Variants in LRP6 observed in about 807,000 individuals in gnomAD.
LRP6 encodes the protein LDL receptor related protein 6.
A neutral mutation model predicts 184.1 loss-of-function variants in LRP6; 43 were observed. The ratio of observed to expected loss-of-function variants is 0.23; its 90% CI spans 0.18 to 0.30. The LOEUF is 0.30. Ranked by LOEUF, LRP6 falls within the 10% of genes least tolerant of loss-of-function variation. LRP6 has a pLI of 1.00. For synonymous variants in LRP6, 719 were observed against 684.9 expected (o/e 1.05, Z -0.78); for missense variants, 1,571 against 2,005.3 (o/e 0.78, Z 4.14).
chr12:12,141,862 A>C (rs1256313558), intron 15 of LRP6, among the ~76,000 whole-genome samples: 1 of 152,216 alleles, frequency 6.6e-6, no homozygotes, highest in Non-Finnish European at 1.5e-5. Context: ...TCTAGACTTA[A>C]AAAAATTATG....
intron 3 of LRP6, among the ~76,000 whole-genome samples, chr12:12,196,192 C>A (rs1863755317): frequency 6.7e-6 from 1 of 148,500 alleles, no homozygotes; most frequent in Non-Finnish European, 1.5e-5. Context: ...TGGTCCCATA[C>A]AAATTTTAGG....
rs750043263 is a variant in LRP6, at chr12:12,150,973, G to T, written c.2857C>A (p.Gln953Lys). ...AINRMVIDEQ[Q>K]SPDIILPIHS... ...ATGGGAAGGATGATGTCGGGGCTCTGTTGTTCATCAATCACCATGCGGTTG... is the reference window on the plus strand; with the variant it reads ...ATGGGAAGGATGATGTCGGGGCTCTTTTGTTCATCAATCACCATGCGGTTG... Residue 953 changes from glutamine (Q) to lysine (K), a missense_variant, in exon 13 of 23, where the codon CAG becomes AAG. This residue lies in a region of LRP6 where 763 missense variants were observed against 859.5 expected (regional missense o/e 0.89). Transcript: ENST00000261349. 4.3e-6 allele frequency: 7 copies of T among 1,614,168 alleles called. No individual in the cohort carries two copies. In the Admixed American group the frequency reaches 1.0e-4, roughly 23 times the overall value.
intron 2 of LRP6, among the ~76,000 whole-genome samples, chr12:12,222,510 T>G (rs1048126489): frequency 6.7e-6 from 1 of 148,852 alleles, no homozygotes; most frequent in Admixed American, 6.9e-5. Flanking sequence ...GAGGTTGCAG[T>G]GAGCCAAGAT....
chr12:12,233,476 A>AAATG (rs1036323613), intron 2 of LRP6, among the ~76,000 whole-genome samples: 1 of 152,174 alleles, frequency 6.6e-6, no homozygotes, highest in African/African-American at 2.4e-5. Flanking sequence ...TCAAAAAAAT[A>AAATG]AATGAATGAA....
chr12:12,189,780 C>T (rs1033594820), intron 3 of LRP6, among the ~76,000 whole-genome samples: 3 of 152,166 alleles, frequency 2.0e-5, no homozygotes, highest in Non-Finnish European at 2.9e-5. Flanking sequence ...GGATTACAGG[C>T]GTGAGCCACC....
Position 12,121,330 on chromosome 12 carries a change from T to C in LRP6, c.4638A>G (p.Arg1546=), listed in dbSNP as rs1239370720. 1 of 1,614,112 alleles carries C rather than the reference T, an allele frequency of 6.2e-7. No homozygotes were observed. Among genetic ancestry groups the C allele is most frequent in the South Asian group, 1.1e-5 (1 of 91,074 alleles). ...VCDSDYAPSR[R]MTSVATAKGY... is the part of the protein sequence containing the mutation. Reference sequence around the variant, plus strand: ...CCTTGGCTGTTGCCACTGAGGTCATTCTCCGACTAGGAGCATAGTCACTGT... The same window carrying C: ...CCTTGGCTGTTGCCACTGAGGTCATCCTCCGACTAGGAGCATAGTCACTGT... The change falls in exon 23 of 23, where the codon AGA becomes AGG. Residue 1546 remains arginine, a synonymous_variant. Transcript: ENST00000261349.
intron 15 of LRP6, among the ~76,000 whole-genome samples, chr12:12,145,624 C>CTTTTTTTTTTTTTTTTT (rs1157764946): frequency 2.5e-5 from 2 of 80,314 alleles, no homozygotes; most frequent in Non-Finnish European, 5.2e-5. Context: ...TTTTCTTTTT[C>CTTTTTTTTTTTTTTTTT]TTTTTTTTTT....
intron 12 of LRP6, 149 bp downstream of exon 12, chr12:12,158,680 A>C: frequency 1.3e-6 from 1 of 741,172 alleles, no homozygotes; most frequent in East Asian, 2.7e-5. Context: ...AATAAGTAAC[A>C]AACACTTGCA....
At chr12:12,212,746 G>T (rs1285200943) in intron 2 of LRP6, among the ~76,000 whole-genome samples, 1 of 152,094 alleles carries the variant, frequency 6.6e-6, no homozygotes, top group Non-Finnish European at 1.5e-5. Context: ...GTCTCATAGA[G>T]AGAATTTTAT....
At position 12,159,154 on chromosome 12, in the gene LRP6, C is replaced by T; in HGVS notation, c.2466G>A (p.Gly822=). The T allele has an allele frequency of 6.2e-7, 1 of 1,613,582 alleles. No homozygotes were observed. Among genetic ancestry groups the T allele is most frequent in the Non-Finnish European group, 8.5e-7 (1 of 1,179,718 alleles). Residue 822 remains glycine (G), a splice_region_variant and synonymous_variant, in exon 12 of 23, where the codon GGG becomes GGA. Transcript: ENST00000261349. ...CATCTGCTATAACTTCACGGTTGAGCCCTATTTTCAGAAAGGCAGTAGACA... is the reference window on the plus strand; with the variant it reads ...CATCTGCTATAACTTCACGGTTGAGTCCTATTTTCAGAAAGGCAGTAGACA... ...TNLIESSNML[G]LNREVIADDL... is the part of the protein sequence containing the mutation.
At chr12:12,204,557 CTT>C (rs962585939) in intron 2 of LRP6, among the ~76,000 whole-genome samples, 29 of 149,332 alleles carry the variant, frequency 1.9e-4, no homozygotes, top group Admixed American at 1.2e-3. Flanking sequence ...AGTTTGAAGA[CTT>C]TTCAAAATAA....
chr12:12,212,583 A>G (rs1864240725), intron 2 of LRP6, among the ~76,000 whole-genome samples: 1 of 152,142 alleles, frequency 6.6e-6, no homozygotes. Flanking sequence ...AGATTTCCAT[A>G]GCAAAACTTA....
At position 12,159,867 on chromosome 12, in the gene LRP6, C is replaced by T. The variant is rs1862697598; in HGVS notation, c.2377G>A (p.Ala793Thr). The T allele has an allele frequency of 6.2e-7, 1 of 1,613,998 alleles. No homozygotes were observed. The highest frequency in any genetic ancestry group is 8.5e-7 in the Non-Finnish European group (1 of 1,180,002). The change falls in exon 11 of 23, where the codon GCA becomes ACA. Residue 793 changes from alanine to threonine, a missense_variant. Physicochemically the swap from Ala to Thr is moderately conservative, Grantham distance 58 (BLOSUM62 0). Coordinates refer to ENST00000261349, the MANE Select transcript of LRP6 (RefSeq NM_002336.3). ...GCATAATCAATAGTTAGGCCGTTTG[C>T]CCGCCCCACATTTGGAACTAAGGTA... is the stretch of plus-strand genomic sequence containing the variant. ...RTTLVPNVGR[A>T]NGLTIDYAKR...
intron 2 of LRP6, among the ~76,000 whole-genome samples, chr12:12,212,160 CTTTGT>C (rs1389993988): frequency 7.2e-5 from 11 of 152,098 alleles, no homozygotes; most frequent in South Asian, 2.1e-4. Context: ...AAAACAAGGA[CTTTGT>C]TTTATTTTTT....
chr12:12,135,187 G>C lies in LRP6; in HGVS notation c.3721C>G (p.Leu1241Val). Reference protein sequence around the residue: ...PMHLVLLQDELSCGEPPTCSP... With the variant: ...PMHLVLLQDEVSCGEPPTCSP... ...ACAACATATTTACCTCCACATGATA[G>C]CTCATCTTGAAGTAGAACCAGGTGC... The change falls in exon 17 of 23, where the codon CTA becomes GTA. Residue 1241 changes from leucine (L) to valine (V), a missense_variant. Leu to Val is a conservative substitution (Grantham distance 32). Transcript: ENST00000261349. 3.1e-6 allele frequency: 5 copies of C among 1,613,780 alleles called. No individual in the cohort carries two copies. The highest frequency in any genetic ancestry group is 3.4e-6 in the Non-Finnish European group (4 of 1,179,740).
intron 7 of LRP6, among the ~76,000 whole-genome samples, chr12:12,172,753 AAC>A (rs961714643): frequency 2.0e-4 from 30 of 152,354 alleles, no homozygotes; most frequent in Admixed American, 5.9e-4. Context: ...GGGATTTTAA[AAC>A]ACAGAATATT....
At chr12:12,159,395 T>G (rs1862686600) in intron 11 of LRP6, among the ~76,000 whole-genome samples, 1 of 152,206 alleles carries the variant, frequency 6.6e-6, no homozygotes, top group Admixed American at 6.5e-5. Flanking sequence ...TCACTCAGTT[T>G]CCTAAAATTC....
rs771597862 is a variant in LRP6 at position 12,147,526 on chromosome 12, C to A, written c.3237G>T (p.Arg1079Ser). 8 of 1,613,660 alleles carry A rather than the reference C, an allele frequency of 5.0e-6. No homozygotes were observed. Among genetic ancestry groups the A allele is most frequent in the Non-Finnish European group, 6.8e-6 (8 of 1,179,928 alleles). ...AAGCAGCCCGTTCAATTTTAGGAGA[C>A]CTTTCCTGAAGATTGGTAAAATACA... ...GYMYFTNLQE[R>S]SPKIERAALD... The change falls in exon 15 of 23, where the codon AGG (arginine) becomes AGT (serine). Residue 1079 changes from arginine to serine, a missense_variant. This residue lies in a region of LRP6 where 763 missense variants were observed against 859.5 expected (regional missense o/e 0.89). Coordinates refer to ENST00000261349, the MANE Select transcript of LRP6 (RefSeq NM_002336.3).
intron 2 of LRP6, among the ~76,000 whole-genome samples, chr12:12,237,698 C>A (rs1338762977): frequency 5.3e-5 from 8 of 152,152 alleles, no homozygotes; most frequent in African/African-American, 1.9e-4. Context: ...TCATGAGAAA[C>A]AGCAAATAGA....
Sources: gnomAD v4.1 joint callset for allele counts (sites outside exome capture counted in the v4.1 genomes callset) on GRCh38, gnomAD v4.1.1 for gene constraint, gnomAD v4.1.1 regional missense constraint, MANE v1.5 for transcripts, NCBI Gene and HGNC (gene_info 2026-07-23, HGNC 2026-07-21) for gene names.